The following PTDSS1 variants were observed in gnomAD, a reference collection of about 807,000 sequenced individuals.
PTDSS1 encodes the protein phosphatidylserine synthase 1.
In PTDSS1, 45 loss-of-function variants were observed where a neutral mutation model predicts 70.5. That is an observed-to-expected ratio of 0.64 (90% confidence interval 0.50 to 0.82). The LOEUF (loss-of-function observed/expected upper bound fraction) is 0.82. PTDSS1 is among the 40% of genes least tolerant of loss of function. The pLI is 0.00. For synonymous variants in PTDSS1, 188 were observed against 203.8 expected (o/e 0.92, Z 0.66); for missense variants, 417 against 586.1 (o/e 0.71, Z 2.98).
chr8:96,295,290 G>A (rs776439907), intron 5 of PTDSS1, 34 bp downstream of exon 5: 2 of 1,587,414 alleles, frequency 1.3e-6, no homozygotes, highest in East Asian at 4.5e-5. Context: ...TCCCCAGACT[G>A]TGCCATGTGT....
chr8:96,309,702 G>C lies in PTDSS1; in HGVS notation c.1073+80G>C, dbSNP rs537858881. On this transcript the variant is annotated intron_variant, in intron 9 of 12. Coordinates refer to ENST00000517309, the MANE Select transcript of PTDSS1 (RefSeq NM_014754.3). ...TGGGTATTTCTTGACCCTGTGTTAA[G>C]AGCCTTTCAGTATAATTTTTCTATG... is the stretch of plus-strand genomic sequence containing the variant. 162 of 1,376,298 alleles carry C rather than the reference G, an allele frequency of 1.2e-4. No homozygotes were observed. In the African/African-American group the frequency reaches 1.9e-3, roughly 17 times the overall value. The allele number at this position is 1,376,298 out of a possible 1,614,324, so 85.3% of individuals were successfully genotyped here.
chr8:96,334,750 G>T lies in PTDSS1; in HGVS notation c.*1184G>T, dbSNP rs139178019. On this transcript the variant is annotated 3_prime_UTR_variant, in exon 13 of 13. Coordinates refer to ENST00000517309, the MANE Select transcript of PTDSS1 (RefSeq NM_014754.3). ...CTTAGACTACCCAAGTGACCAACAG[G>T]AATGAACAACATAGTCATTGTTTTT... 5.9e-5 allele frequency: 9 copies of T among 152,324 alleles called. No homozygotes were observed. The East Asian group carries it at 1.7e-3, about 29-fold the overall frequency. 9.4% of individuals were successfully genotyped at this position (152,324 alleles called of 1,614,324 possible). A position where few individuals can be genotyped will look rare whatever the true frequency, so the allele number is the denominator to read the frequency against.
chr8:96,279,518 T>TAA (rs978433383), intron 2 of PTDSS1, among the ~76,000 whole-genome samples: 11 of 146,280 alleles, frequency 7.5e-5, no homozygotes, highest in African/African-American at 2.7e-4. Context: ...CTACTTTTTG[T>TAA]AAAAAAAAAA....
intron 4 of PTDSS1, among the ~76,000 whole-genome samples, chr8:96,288,808 T>A (rs578004196): frequency 6.6e-6 from 1 of 150,658 alleles, no homozygotes; most frequent in East Asian, 2.0e-4. Context: ...TTTGTATTTT[T>A]AGTAGAGACA....
intron 8 of PTDSS1, among the ~76,000 whole-genome samples, chr8:96,307,907 G>C (rs1299028051): frequency 1.3e-5 from 2 of 152,156 alleles, no homozygotes; most frequent in African/African-American, 4.8e-5. Flanking sequence ...ACTTTTGAGA[G>C]ATCCTCAAAA....
chr8:96,330,293 G>T lies in PTDSS1; in HGVS notation c.1242+12G>T. Reference sequence around the variant, plus strand: ...GTCACCGAGAAAAGGTATGGAAGGAGAGGCAGGCATGGCCATTGTTTAAAA... The same window carrying T: ...GTCACCGAGAAAAGGTATGGAAGGATAGGCAGGCATGGCCATTGTTTAAAA... On this transcript the variant is annotated intron_variant, in intron 11 of 12. Transcript: ENST00000517309. The T allele has an allele frequency of 6.2e-7, 1 of 1,603,580 alleles. No individual in the cohort carries two copies. Among genetic ancestry groups the T allele is most frequent in the Non-Finnish European group, 8.5e-7 (1 of 1,172,138 alleles).
intron 1 of PTDSS1, among the ~76,000 whole-genome samples, chr8:96,269,243 TTG>T (rs1810528463): frequency 6.6e-6 from 1 of 152,150 alleles, no homozygotes; most frequent in African/African-American, 2.4e-5. Context: ...CTGCCTCTAT[TTG>T]TGTGTGACTG....
At chr8:96,326,583 C>G (rs139037374) in intron 10 of PTDSS1, among the ~76,000 whole-genome samples, 4 of 152,286 alleles carry the variant, frequency 2.6e-5, no homozygotes, top group African/African-American at 9.6e-5. Context: ...TGTGAGAGTG[C>G]CCAGTGGCTC....
At chr8:96,302,748 A>G (rs1002725790) in intron 6 of PTDSS1, among the ~76,000 whole-genome samples, 1 of 151,876 alleles carries the variant, frequency 6.6e-6, no homozygotes, top group African/African-American at 2.4e-5. Context: ...CACCTGGCTA[A>G]TTTTTGTATT....
At position 96,262,468 on chromosome 8, in the gene PTDSS1, ACG is replaced by A. The variant is rs1410695625; in HGVS notation, c.179+252_179+253del. 2.6e-5 allele frequency among the ~76,000 whole-genome samples: 4 copies of A among 152,148 alleles called. No individual in the cohort carries two copies. The highest frequency in any genetic ancestry group is 9.7e-5 in the African/African-American group (4 of 41,444). On this transcript the variant is annotated intron_variant, in intron 1 of 12. Transcript: ENST00000517309. This position sits in a 1 kb window ranked among gnomAD's most constrained non-coding sequence, Gnocchi z 4.4. ...GCGCCTCCGGTTACACGGGGAACGC[ACG>A]CGAGTCACCTAGCACGATCGCCCCC...
intron 7 of PTDSS1, among the ~76,000 whole-genome samples, chr8:96,306,181 A>G (rs1449361683): frequency 6.6e-6 from 1 of 152,144 alleles, no homozygotes; most frequent in East Asian, 1.9e-4. Flanking sequence ...AAACCAGGAA[A>G]CATGACAAAT....
chr8:96,306,287 A>T (rs1342413000), intron 7 of PTDSS1, among the ~76,000 whole-genome samples, 157 bp from the exon 8 acceptor site: 7 of 152,152 alleles, frequency 4.6e-5, no homozygotes, highest in Non-Finnish European at 2.9e-5. Context: ...ACTGGCTGTT[A>T]ACTAGTTTGA....
chr8:96,300,527 C>T (rs1282247187), intron 6 of PTDSS1, among the ~76,000 whole-genome samples: 1 of 152,152 alleles, frequency 6.6e-6, no homozygotes, highest in Non-Finnish European at 1.5e-5. Context: ...AGTCATACCG[C>T]CGGCATTGCT....
At chr8:96,320,745 A>G (rs1041586462) in intron 10 of PTDSS1, among the ~76,000 whole-genome samples, 1 of 152,252 alleles carries the variant, frequency 6.6e-6, no homozygotes, top group East Asian at 1.9e-4. Flanking sequence ...TTATATATAA[A>G]AGGACATATG....
At chr8:96,274,457 G>A (rs181183490) in intron 2 of PTDSS1, among the ~76,000 whole-genome samples, 19 of 152,220 alleles carry the variant, frequency 1.2e-4, no homozygotes, top group Non-Finnish European at 2.2e-4. Flanking sequence ...CGGGTGCGGC[G>A]GCTCATGCCT....
chr8:96,295,294 CA>C lies in PTDSS1; in HGVS notation c.600+39del, dbSNP rs1810959953. On this transcript the variant is annotated intron_variant, in intron 5 of 12. Transcript: ENST00000517309. ...GCATTGGGGGTTCCCCAGACTGTGCCATGTGTGTAGTTTATATATAGGAAAA... is the reference window on the plus strand; with the variant it reads ...GCATTGGGGGTTCCCCAGACTGTGCCTGTGTGTAGTTTATATATAGGAAAA... 4 of 1,584,058 alleles carry C rather than the reference CA, an allele frequency of 2.5e-6. No homozygotes were observed. In the East Asian group the frequency reaches 9.1e-5, roughly 36 times the overall value.
At chr8:96,306,320 A>G (rs1452564664) in intron 7 of PTDSS1, 124 bp from the exon 8 acceptor site, 2 of 741,508 alleles carry the variant, frequency 2.7e-6, no homozygotes, top group Non-Finnish European at 4.6e-6. Context: ...GGAAGACCAC[A>G]TCTATTCTCT....
At chr8:96,320,203 G>T in intron 9 of PTDSS1, 43 bp from the exon 10 acceptor site, 1 of 1,491,378 alleles carries the variant, frequency 6.7e-7, no homozygotes, top group South Asian at 1.1e-5. Flanking sequence ...GTATGCTCTG[G>T]TAAGATGGAT....
At chr8:96,270,799 T>C (rs1810555494) in intron 1 of PTDSS1, among the ~76,000 whole-genome samples, 1 of 152,158 alleles carries the variant, frequency 6.6e-6, no homozygotes, top group Non-Finnish European at 1.5e-5. Context: ...TTATTCCGTT[T>C]AATCAACATT....
Sources: allele counts gnomAD v4.1 joint callset (sites outside exome capture counted in the v4.1 genomes callset), GRCh38; gene constraint gnomAD v4.1.1; non-coding constraint Gnocchi (gnomAD v3.1); transcripts MANE v1.5; gene names NCBI Gene and HGNC (gene_info 2026-07-23, HGNC 2026-07-21).